The following KIAA0825 variants were observed in gnomAD, a reference collection of about 807,000 sequenced individuals.
KIAA0825 encodes KIAA0825.
KIAA0825 carries 119 observed loss-of-function variants against 147.6 expected under a neutral mutation model. The ratio of observed to expected loss-of-function variants is 0.81; its 90% CI spans 0.69 to 0.94. The LOEUF is 0.94. KIAA0825 is among the 40% of genes least tolerant of loss of function. The pLI is 0.00. For synonymous variants in KIAA0825, 470 were observed against 518.1 expected, an observed-to-expected ratio of 0.91 and a Z score of 1.26; for missense variants, 1,381 against 1,472.7, an observed-to-expected ratio of 0.94 and a Z score of 1.02.
intron 20 of KIAA0825, among the ~76,000 whole-genome samples, chr5:94,336,181 C>T (rs1562389682): frequency 6.6e-6 from 1 of 151,842 alleles, no homozygotes; most frequent in Non-Finnish European, 1.5e-5. Flanking sequence ...ACCAGCCTAG[C>T]CGACATGGTG....
intron 20 of KIAA0825, among the ~76,000 whole-genome samples, chr5:94,246,427 T>C (rs1775615790): frequency 6.6e-6 from 1 of 152,106 alleles, no homozygotes; most frequent in Non-Finnish European, 1.5e-5. Context: ...CCACTCTCTT[T>C]AATTTACCAC....
chr5:94,486,074 T>C (rs1763025285), intron 5 of KIAA0825, among the ~76,000 whole-genome samples: 1 of 152,074 alleles, frequency 6.6e-6, no homozygotes, highest in South Asian at 2.1e-4. Context: ...TAACTCCAAT[T>C]TGTTGCTTTC....
intron 20 of KIAA0825, among the ~76,000 whole-genome samples, chr5:94,261,895 C>G (rs960898310): frequency 4.6e-5 from 7 of 152,010 alleles, no homozygotes; most frequent in Admixed American, 6.6e-5. Flanking sequence ...TTTTTTCCTT[C>G]CCTGATTCAA....
intron 20 of KIAA0825, among the ~76,000 whole-genome samples, chr5:94,180,474 T>C (rs1323263482): frequency 6.6e-6 from 1 of 152,162 alleles, no homozygotes; most frequent in African/African-American, 2.4e-5. Context: ...AAAAGTTCTG[T>C]ACTTTAGTTA....
At position 94,388,845 on chromosome 5, in the gene KIAA0825, C is replaced by G. The variant is rs567297784; in HGVS notation, c.3457-2441G>C. Among the ~76,000 whole-genome samples the G allele has an allele frequency of 6.6e-5, 10 of 152,282 alleles. No homozygotes were observed. The South Asian group carries it at 2.1e-3, about 32-fold the overall frequency. ...TTCCATTCTTTCTTGAACACCTTCC[C>G]TGTGCATTATGTCAAAGCTTATTCC... On this transcript the variant is annotated intron_variant, in intron 18 of 20. Coordinates refer to ENST00000682413, the MANE Select transcript of KIAA0825 (RefSeq NM_001145678.3).
chr5:94,605,455 A>T (rs1275024989), intron 1 of KIAA0825, among the ~76,000 whole-genome samples: 1 of 152,190 alleles, frequency 6.6e-6, no homozygotes, highest in African/African-American at 2.4e-5. Flanking sequence ...TGACAGAGAC[A>T]CAGCAAAAAA....
chr5:94,594,712 G>A (rs1434448024), intron 1 of KIAA0825: 2 of 630,870 alleles, frequency 3.2e-6, no homozygotes, highest in Admixed American at 2.1e-5. Context: ...TGGTTTGAAT[G>A]GAACTCTATG....
intron 20 of KIAA0825, among the ~76,000 whole-genome samples, chr5:94,272,128 A>C (rs935819784): frequency 4.7e-5 from 7 of 149,880 alleles, no homozygotes; most frequent in African/African-American, 1.3e-4. Flanking sequence ...AAAAAAAAAA[A>C]AAAACTAAGA....
chr5:94,430,236 G>A (rs1446751217), intron 14 of KIAA0825, among the ~76,000 whole-genome samples: 1 of 152,130 alleles, frequency 6.6e-6, no homozygotes, highest in Admixed American at 6.5e-5. Flanking sequence ...ATGTATGAAG[G>A]CAATTTGGCA....
intron 20 of KIAA0825, among the ~76,000 whole-genome samples, chr5:94,207,987 C>G (rs1772362012): frequency 6.6e-6 from 1 of 151,990 alleles, no homozygotes; most frequent in Non-Finnish European, 1.5e-5. Context: ...GCATAAAGTT[C>G]CTGTGTTTTT....
chr5:94,594,838 CTTATT>C, intron 1 of KIAA0825: 1 of 356,084 alleles, frequency 2.8e-6, no homozygotes, highest in Non-Finnish European at 5.5e-6. Context: ...CACATTTGGA[CTTATT>C]TTAATTAAGT....
chr5:94,492,344 G>A (rs1043685274), intron 5 of KIAA0825, among the ~76,000 whole-genome samples: 9 of 152,142 alleles, frequency 5.9e-5, no homozygotes, highest in African/African-American at 2.2e-4. Flanking sequence ...AACTGTTCTT[G>A]GGAGGTAGTA....
At chr5:94,348,222 C>T (rs550910334) in intron 20 of KIAA0825, among the ~76,000 whole-genome samples, 145 of 152,158 alleles carry the variant, frequency 9.5e-4, no homozygotes, top group South Asian at 5.4e-3. Context: ...AAACGTATTT[C>T]GGGAAATAAT....
chr5:94,288,323 A>C (rs1777742177), intron 20 of KIAA0825, among the ~76,000 whole-genome samples: 1 of 152,166 alleles, frequency 6.6e-6, no homozygotes, highest in Non-Finnish European at 1.5e-5. Context: ...TTTCCTAATT[A>C]AAGGTAAAAG....
intron 20 of KIAA0825, among the ~76,000 whole-genome samples, chr5:94,214,578 G>C (rs910498881): frequency 6.6e-6 from 1 of 152,036 alleles, no homozygotes; most frequent in African/African-American, 2.4e-5. Flanking sequence ...GAAACTCCTC[G>C]GTCCTGGGCC....
chr5:94,583,264 TGA>T (rs1369636154), intron 1 of KIAA0825, among the ~76,000 whole-genome samples: 1 of 152,170 alleles, frequency 6.6e-6, no homozygotes, highest in African/African-American at 2.4e-5. Context: ...AGGGAAGCCG[TGA>T]GTGTCTGTAC....
intron 20 of KIAA0825, among the ~76,000 whole-genome samples, chr5:94,317,921 A>T (rs1008845880): frequency 1.3e-5 from 2 of 151,868 alleles, no homozygotes; most frequent in Non-Finnish European, 2.9e-5. Flanking sequence ...CCTCATGTTA[A>T]AATATGAAAC....
intron 5 of KIAA0825, among the ~76,000 whole-genome samples, chr5:94,499,294 C>T (rs576699373): frequency 5.9e-5 from 9 of 152,300 alleles, no homozygotes; most frequent in Admixed American, 4.6e-4. Context: ...GTAAACTCTC[C>T]ATGCTGTGAA....
chr5:94,229,533 G>C (rs1461180382), intron 20 of KIAA0825, among the ~76,000 whole-genome samples: 4 of 145,312 alleles, frequency 2.8e-5, no homozygotes, highest in African/African-American at 1.0e-4. Flanking sequence ...TTAGATGTTT[G>C]GTAATCTTCT....
Sources: gnomAD v4.1 joint callset for allele counts (sites outside exome capture counted in the v4.1 genomes callset) on GRCh38, gnomAD v4.1.1 for gene constraint, MANE v1.5 for transcripts, NCBI Gene and HGNC (gene_info 2026-07-23, HGNC 2026-07-21) for gene names.